NCALD: variants seen among roughly 807,000 people sequenced by gnomAD.
NCALD encodes the protein neurocalcin delta, also known as neurocalcin-delta.
In NCALD, 10 loss-of-function variants were observed where a neutral mutation model predicts 18.6. The observed-to-expected ratio is 0.54, with a 90% CI of 0.33 to 0.91. The LOEUF (loss-of-function observed/expected upper bound fraction) is 0.91. NCALD is among the 40% of genes least tolerant of loss of function. The probability of loss-of-function intolerance (pLI) is 0.03; values close to 1 mark genes in which losing one functional copy is unlikely to be tolerated. For missense variants in NCALD, 184 were observed against 247.6 expected (o/e 0.74, Z 1.72); for synonymous variants, 88 against 87.4 (o/e 1.01, Z -0.04).
chr8:101,824,407 G>C (rs1213578024), intron 4 of NCALD, among the ~76,000 whole-genome samples: 1 of 152,070 alleles, frequency 6.6e-6, no homozygotes, highest in Non-Finnish European at 1.5e-5. Flanking sequence ...AATACACACA[G>C]AGCCTGCCTT....
At chr8:101,855,200 C>T (rs568796382) in intron 4 of NCALD, among the ~76,000 whole-genome samples, 2 of 152,176 alleles carry the variant, frequency 1.3e-5, no homozygotes, top group South Asian at 4.2e-4. Context: ...GGGAGTACAC[C>T]CTCTTCTCTT....
chr8:101,729,076 T>TA (rs1433626643), intron 1 of NCALD, among the ~76,000 whole-genome samples: 1 of 152,254 alleles, frequency 6.6e-6, no homozygotes, highest in Non-Finnish European at 1.5e-5. Context: ...TACTGGTGAC[T>TA]AAAATCCCAC....
intron 4 of NCALD, among the ~76,000 whole-genome samples, chr8:101,848,019 C>T (rs1200589960): frequency 1.3e-5 from 2 of 152,052 alleles, no homozygotes; most frequent in Non-Finnish European, 2.9e-5. Context: ...ACAAACCTTA[C>T]AAAAGTTGAT....
intron 1 of NCALD, among the ~76,000 whole-genome samples, chr8:101,746,440 T>C (rs892379588): frequency 6.7e-5 from 10 of 148,450 alleles, no homozygotes; most frequent in African/African-American, 2.6e-4. Flanking sequence ...GCAACAACAA[T>C]GGTTATGATA....
chr8:102,028,404 C>A (rs184335674), intron 1 of NCALD, among the ~76,000 whole-genome samples: 1 of 152,212 alleles, frequency 6.6e-6, no homozygotes, highest in African/African-American at 2.4e-5. Flanking sequence ...GCCTCTTTCA[C>A]ATGTGAACTA....
chr8:101,766,930 C>T (rs1296015062), intron 1 of NCALD, among the ~76,000 whole-genome samples: 3 of 152,172 alleles, frequency 2.0e-5, no homozygotes, highest in African/African-American at 7.2e-5. Flanking sequence ...AATATACACA[C>T]TCCTGTTTAA....
At chr8:101,718,725 A>T (rs1019507545) in intron 2 of NCALD, among the ~76,000 whole-genome samples, 10 of 152,170 alleles carry the variant, frequency 6.6e-5, no homozygotes, top group African/African-American at 2.4e-4. Context: ...TTCTAAAGTT[A>T]ATCTGAAAAA....
intron 2 of NCALD, among the ~76,000 whole-genome samples, chr8:101,972,306 A>T (rs936520763): frequency 6.6e-6 from 1 of 152,198 alleles, no homozygotes; most frequent in Non-Finnish European, 1.5e-5. Context: ...TGGACGGGCC[A>T]CTCATAGGCT....
At chr8:101,920,148 T>A (rs1818112387) in intron 2 of NCALD, among the ~76,000 whole-genome samples, 2 of 152,064 alleles carry the variant, frequency 1.3e-5, no homozygotes, top group Non-Finnish European at 2.9e-5. Context: ...TCCCAACTAT[T>A]TGGGAGGCTG....
intron 4 of NCALD, among the ~76,000 whole-genome samples, chr8:101,809,952 C>A (rs189642894): frequency 1.3e-5 from 2 of 152,312 alleles, no homozygotes; most frequent in African/African-American, 4.8e-5. Flanking sequence ...ATCACAAATT[C>A]TATTTCTCTC....
At position 102,081,565 on chromosome 8, in the gene NCALD, AAAAAAAAAAAAC is replaced by A. The variant is rs1224944269; in HGVS notation, c.-210+42660_-210+42671del. ...AATGGTAAAAAAAAAAAAAAAAAAAAAAAAAAAAAAACCCCAAAAAAAACTGGCTTTGCGCAT... is the reference window on the plus strand; with the variant it reads ...AATGGTAAAAAAAAAAAAAAAAAAAACCCAAAAAAAACTGGCTTTGCGCAT... On this transcript the variant is annotated intron_variant, in intron 1 of 6. Coordinates refer to the NCALD transcript ENST00000311028. Among the ~76,000 whole-genome samples the A allele has an allele frequency of 3.3e-3, 341 of 104,544 alleles. 3 individuals are homozygous for A. Among genetic ancestry groups the A allele is most frequent in the Middle Eastern group, 4.8e-3 (1 of 208 alleles). The allele number at this position is 104,544 out of a possible 152,430, so 68.6% of individuals were successfully genotyped here. A position where few individuals can be genotyped will look rare whatever the true frequency, so the allele number is the denominator to read the frequency against.
chr8:101,920,462 A>T (rs1031349492), intron 2 of NCALD, among the ~76,000 whole-genome samples: 1 of 152,214 alleles, frequency 6.6e-6, no homozygotes, highest in Non-Finnish European at 1.5e-5. Flanking sequence ...AATAGCAAAG[A>T]CATGGAATCA....
chr8:101,817,377 G>A (rs1813538940), intron 4 of NCALD, among the ~76,000 whole-genome samples: 1 of 152,156 alleles, frequency 6.6e-6, no homozygotes, highest in Non-Finnish European at 1.5e-5. Flanking sequence ...CTTGGAGTTT[G>A]TTCTTTCCGG....
chr8:101,879,959 C>T (rs1279442981), intron 4 of NCALD, among the ~76,000 whole-genome samples: 1 of 152,162 alleles, frequency 6.6e-6, no homozygotes, highest in Admixed American at 6.5e-5. Context: ...GAGCTGCCTG[C>T]CAGTCCTGTG....
At chr8:101,749,346 A>T (rs1810555963) in intron 1 of NCALD, among the ~76,000 whole-genome samples, 1 of 152,164 alleles carries the variant, frequency 6.6e-6, no homozygotes, top group Non-Finnish European at 1.5e-5. Flanking sequence ...CCTGGAAGTG[A>T]CCTCTCACAG....
intron 2 of NCALD, among the ~76,000 whole-genome samples, chr8:101,962,723 C>G (rs975319668): frequency 6.6e-6 from 1 of 152,008 alleles, no homozygotes; most frequent in East Asian, 1.9e-4. Context: ...TAGAGTTAAG[C>G]CTTTGAGGCA....
intron 4 of NCALD, among the ~76,000 whole-genome samples, chr8:101,844,967 G>C (rs1385920952): frequency 6.6e-6 from 1 of 152,154 alleles, no homozygotes; most frequent in East Asian, 1.9e-4. Flanking sequence ...ATTGCCCACT[G>C]TGTTCCCAGC....
At chr8:101,890,738 G>C (rs890656917) in intron 3 of NCALD, among the ~76,000 whole-genome samples, 2 of 152,190 alleles carry the variant, frequency 1.3e-5, no homozygotes, top group Non-Finnish European at 2.9e-5. Flanking sequence ...AAAATGGTGA[G>C]AGATAAATTT....
intron 4 of NCALD, among the ~76,000 whole-genome samples, chr8:101,838,759 T>A (rs1693026522): frequency 6.6e-6 from 1 of 152,224 alleles, no homozygotes; most frequent in Non-Finnish European, 1.5e-5. Flanking sequence ...TATGTTTTAT[T>A]TAAAGTTGCA....
Sources: allele counts gnomAD v4.1 joint callset (sites outside exome capture counted in the v4.1 genomes callset), GRCh38; gene constraint gnomAD v4.1.1; transcripts MANE v1.5; gene names NCBI Gene and HGNC (gene_info 2026-07-23, HGNC 2026-07-21).